Variants in TNNI3K observed in about 807,000 individuals in gnomAD.
TNNI3K encodes the protein serine/threonine-protein kinase TNNI3K.
TNNI3K carries 140 observed loss-of-function variants against 114.5 expected under a neutral mutation model. That is an observed-to-expected ratio of 1.22 (90% CI 1.07 to 1.41). The LOEUF (loss-of-function observed/expected upper bound fraction) is 1.41, where lower values mean the gene tolerates loss of function less well. Among genes scored for constraint, TNNI3K ranks in the 40% most tolerant of loss-of-function variants. The probability of loss-of-function intolerance (pLI) is 0.00; values close to 1 mark genes in which losing one functional copy is unlikely to be tolerated. For synonymous variants in TNNI3K, 347 were observed against 347.5 expected (o/e 1.00, Z 0.02); for missense variants, 1,125 against 1,007.6 (o/e 1.12, Z -1.58).
At chr1:74,342,744 C>T (rs1660809304) in intron 7 of TNNI3K, 98 bp from the exon 8 acceptor site, 1 of 1,430,770 alleles carries the variant, frequency 7.0e-7, no homozygotes, top group Non-Finnish European at 9.4e-7. Context: ...TTCCAGGAAT[C>T]ACTCAGGCAC....
At chr1:74,455,450 A>C (rs1667189543) in intron 20 of TNNI3K, among the ~76,000 whole-genome samples, 1 of 152,336 alleles carries the variant, frequency 6.6e-6, no homozygotes, top group East Asian at 1.9e-4. Flanking sequence ...AGATGTTGAA[A>C]GTCCTTGTAC....
At chr1:74,531,527 C>T (rs567941395) in intron 23 of TNNI3K, among the ~76,000 whole-genome samples, 5 of 152,246 alleles carry the variant, frequency 3.3e-5, no homozygotes, top group Admixed American at 2.0e-4. Context: ...GCATTTACCC[C>T]GTCTGACAGA....
At chr1:74,529,862 C>T (rs750780528) in intron 23 of TNNI3K, among the ~76,000 whole-genome samples, 1 of 152,180 alleles carries the variant, frequency 6.6e-6, no homozygotes, top group Admixed American at 6.5e-5. Flanking sequence ...GATGACCCCA[C>T]CCCTTGTGAA....
chr1:74,426,719 A>G (rs1665656269), intron 17 of TNNI3K, among the ~76,000 whole-genome samples: 1 of 151,990 alleles, frequency 6.6e-6, no homozygotes, highest in African/African-American at 2.4e-5. Flanking sequence ...TTATGTCTGG[A>G]TGTTGAATAG....
intron 22 of TNNI3K, among the ~76,000 whole-genome samples, chr1:74,491,379 C>G (rs1221519075): frequency 6.6e-6 from 1 of 152,166 alleles, no homozygotes; most frequent in South Asian, 2.1e-4. Flanking sequence ...GCCACCACTC[C>G]CAGCTAATTT....
Position 74,439,628 on chromosome 1 carries a change from A to G in TNNI3K, c.2011+6A>G, listed in dbSNP as rs915908192. On this transcript the variant is annotated splice_donor_region_variant and intron_variant, in intron 20 of 24. Coordinates refer to ENST00000326637, the MANE Select transcript of TNNI3K (RefSeq NM_015978.3). ...ATTCGCTCATCTCAAGCCAGGTAAG[A>G]CACACTGCAATTGAAGTTTTCCTGT... 4.3e-6 allele frequency: 7 copies of G among 1,612,300 alleles called. No homozygotes were observed. Among genetic ancestry groups the G allele is most frequent in the Non-Finnish European group, 5.9e-6 (7 of 1,179,296 alleles).
At chr1:74,354,319 C>G (rs1661545057) in intron 11 of TNNI3K, among the ~76,000 whole-genome samples, 190 bp downstream of exon 11, 1 of 152,106 alleles carries the variant, frequency 6.6e-6, no homozygotes. Context: ...AACTCCTAGG[C>G]TGCAGATGAA....
intron 21 of TNNI3K, chr1:74,471,568 C>T (rs973196935): frequency 7.5e-6 from 3 of 400,494 alleles, no homozygotes; most frequent in South Asian, 1.3e-4. Flanking sequence ...TCCTTTGTTT[C>T]TCTCCCCAGT....
At chr1:74,426,264 C>A (rs1218056795) in intron 17 of TNNI3K, among the ~76,000 whole-genome samples, 1 of 152,070 alleles carries the variant, frequency 6.6e-6, no homozygotes, top group African/African-American at 2.4e-5. Flanking sequence ...CCCCTGAAGT[C>A]ATACTTTTAA....
chr1:74,332,956 CAAA>C (rs796977281), intron 6 of TNNI3K, among the ~76,000 whole-genome samples: 10,392 of 92,728 alleles, frequency 0.11, 577 homozygotes, highest in South Asian at 0.22. Context: ...CTGAAAATAA[CAAA>C]AAAAAAAAAA....
At chr1:74,542,213 C>A (rs1646735644) in intron 24 of TNNI3K, among the ~76,000 whole-genome samples, 2 of 152,172 alleles carry the variant, frequency 1.3e-5, no homozygotes, top group South Asian at 2.1e-4. Flanking sequence ...CCCACCCACC[C>A]TTTGGGGACA....
intron 23 of TNNI3K, among the ~76,000 whole-genome samples, chr1:74,528,098 A>G (rs1226041868): frequency 6.6e-6 from 1 of 152,208 alleles, no homozygotes; most frequent in African/African-American, 2.4e-5. Context: ...TGGAGAGAAT[A>G]GTGGCTCAAG....
At chr1:74,449,622 A>G (rs1039199571) in intron 20 of TNNI3K, among the ~76,000 whole-genome samples, 1 of 151,834 alleles carries the variant, frequency 6.6e-6, no homozygotes, top group Admixed American at 6.6e-5. Flanking sequence ...TCGATAAAAC[A>G]GACTTTAAAC....
intron 17 of TNNI3K, among the ~76,000 whole-genome samples, chr1:74,387,308 A>C (rs1193300131): frequency 1.3e-5 from 2 of 152,344 alleles, no homozygotes; most frequent in South Asian, 4.1e-4. Flanking sequence ...AAAAGCAATT[A>C]AAAAAGAAAC....
intron 23 of TNNI3K, among the ~76,000 whole-genome samples, chr1:74,509,010 G>T (rs1051436939): frequency 1.3e-5 from 2 of 152,152 alleles, no homozygotes; most frequent in Admixed American, 6.5e-5. Context: ...CCCACGGATG[G>T]ATAAACCCCT....
chr1:74,486,280 C>T (rs1479406166), intron 21 of TNNI3K, among the ~76,000 whole-genome samples: 2 of 150,574 alleles, frequency 1.3e-5, no homozygotes, highest in African/African-American at 4.9e-5. Context: ...CACTCCCCTC[C>T]AGGATCTACT....
In TNNI3K at chr1:74,369,414, C is replaced by T. The variant is rs1557525685; in HGVS notation, c.1496C>T (p.Ser499Phe). The T allele has an allele frequency of 6.2e-7, 1 of 1,611,110 alleles. No homozygotes were observed. Residue 499 changes from serine to phenylalanine, a missense_variant, in exon 16 of 25, where the codon TCC becomes TTC. Physicochemically the swap from Ser to Phe is radical, Grantham distance 155. Coordinates refer to ENST00000326637, the MANE Select transcript of TNNI3K (RefSeq NM_015978.3). ...IKRYRANTYC[S>F]KSDVDMFCRE... Reference sequence around the variant, plus strand: ...AGTTATCGAGCCAATACCTACTGCTCCAAGTCAGATGTGGATATGTTTTGC... The same window carrying T: ...AGTTATCGAGCCAATACCTACTGCTTCAAGTCAGATGTGGATATGTTTTGC...
intron 5 of TNNI3K, among the ~76,000 whole-genome samples, chr1:74,324,707 A>G (rs1659808042): frequency 6.6e-6 from 1 of 152,134 alleles, no homozygotes; most frequent in Admixed American, 6.5e-5. Context: ...AAGAGAGAGA[A>G]AGAGAGACCA....
intron 4 of TNNI3K, among the ~76,000 whole-genome samples, chr1:74,270,876 G>T (rs1022440671): frequency 6.6e-5 from 10 of 150,864 alleles, no homozygotes; most frequent in African/African-American, 2.5e-4. Flanking sequence ...ACTGTTAATT[G>T]CTATTAATAT....
Sources: allele counts gnomAD v4.1 joint callset (sites outside exome capture counted in the v4.1 genomes callset), GRCh38; gene constraint gnomAD v4.1.1; transcripts MANE v1.5; gene names NCBI Gene and HGNC (gene_info 2026-07-23, HGNC 2026-07-21).